CCDC60: variants seen among roughly 807,000 people sequenced by gnomAD.
CCDC60 encodes the protein coiled-coil domain containing 60.
A neutral mutation model predicts 63.5 loss-of-function variants in CCDC60; 54 were observed. The ratio of observed to expected loss-of-function variants is 0.85; its 90% confidence interval spans 0.68 to 1.07. The LOEUF is 1.07. Among genes scored for constraint, CCDC60 ranks in the 50% least tolerant of loss-of-function variants. The pLI is 0.00. For missense variants in CCDC60, 651 were observed against 684.3 expected, an observed-to-expected ratio of 0.95 and a Z score of 0.54; for synonymous variants, 206 against 238.8, an observed-to-expected ratio of 0.86 and a Z score of 1.27.
At chr12:119,361,106 G>A (rs1955784879) in intron 1 of CCDC60, among the ~76,000 whole-genome samples, 1 of 150,898 alleles carries the variant, frequency 6.6e-6, no homozygotes, top group South Asian at 2.1e-4. Context: ...GCTTCGGCTT[G>A]GCATGAGAGG....
intron 2 of CCDC60, among the ~76,000 whole-genome samples, chr12:119,453,825 AAG>A (rs1385137909): frequency 2.6e-5 from 4 of 152,082 alleles, no homozygotes; most frequent in Admixed American, 1.3e-4. Flanking sequence ...GAGGAGAAGG[AAG>A]AGGAAGAGGA....
At chr12:119,504,512 C>T (rs1429860219) in intron 6 of CCDC60, among the ~76,000 whole-genome samples, 3 of 152,180 alleles carry the variant, frequency 2.0e-5, no homozygotes, top group Non-Finnish European at 4.4e-5. Context: ...TGCTTCCTCC[C>T]ACTCACATCC....
At chr12:119,471,962 C>G (rs763187026) in intron 2 of CCDC60, 32 bp from the exon 3 acceptor site, 2 of 1,596,710 alleles carry the variant, frequency 1.3e-6, no homozygotes, top group South Asian at 1.1e-5. Context: ...ACCTTCCTCC[C>G]TCTCTCCCTC....
At chr12:119,514,746 A>G (rs1407443512) in intron 7 of CCDC60, among the ~76,000 whole-genome samples, 1 of 152,190 alleles carries the variant, frequency 6.6e-6, no homozygotes, top group East Asian at 1.9e-4. Flanking sequence ...CTAAGTGTAC[A>G]GTGTTTATAA....
At chr12:119,359,677 G>A (rs1392353325) in intron 1 of CCDC60, among the ~76,000 whole-genome samples, 1 of 147,092 alleles carries the variant, frequency 6.8e-6, no homozygotes, top group Non-Finnish European at 1.5e-5. Flanking sequence ...AGAGGACCCT[G>A]CGGCCTTCCG....
rs1284487989 is a variant in CCDC60 at position 119,479,113 on chromosome 12, T to C, written c.361T>C (p.Leu121=). 4 of 1,613,350 alleles carry C rather than the reference T, an allele frequency of 2.5e-6. No homozygotes were observed. Among genetic ancestry groups the C allele is most frequent in the Non-Finnish European group, 3.4e-6 (4 of 1,179,568 alleles). ...TLLSTYDDEK[L]KTLGARVTRR... The stretch of plus-strand genomic sequence containing the variant: ...CTTCAGCACATATGATGATGAGAAG[T>C]TGAAGACACTGGGAGCTAGAGTCAC... Residue 121 remains leucine, a synonymous_variant, in exon 4 of 14, where the codon TTG becomes CTG. Transcript: ENST00000327554.
At chr12:119,346,970 G>A (rs766034792) in intron 1 of CCDC60, among the ~76,000 whole-genome samples, 2 of 151,680 alleles carry the variant, frequency 1.3e-5, no homozygotes, top group African/African-American at 2.4e-5. Context: ...GGTTACAGGC[G>A]TGCCCCACCA....
chr12:119,344,381 A>G (rs760199739), intron 1 of CCDC60, among the ~76,000 whole-genome samples: 10 of 152,290 alleles, frequency 6.6e-5, no homozygotes, highest in Non-Finnish European at 1.5e-4. Flanking sequence ...GCCGTCATGT[A>G]CCCAGTTGTT....
intron 5 of CCDC60, among the ~76,000 whole-genome samples, chr12:119,492,103 G>A (rs1951603369): frequency 6.6e-6 from 1 of 152,136 alleles, no homozygotes; most frequent in African/African-American, 2.4e-5. Context: ...AGCCACCTGA[G>A]GTAAAAAATG....
chr12:119,486,243 T>A (rs559437082), intron 4 of CCDC60, among the ~76,000 whole-genome samples: 40 of 152,130 alleles, frequency 2.6e-4, no homozygotes, highest in African/African-American at 9.4e-4. Flanking sequence ...AAAGAGACAA[T>A]AACTGAAAAG....
intron 1 of CCDC60, among the ~76,000 whole-genome samples, chr12:119,426,366 TG>T (rs1424186325): frequency 0.012 from 1,847 of 152,006 alleles, 32 homozygotes; most frequent in African/African-American, 0.042. Flanking sequence ...TGTTTTGTTT[TG>T]TTTTTTTGAG....
chr12:119,513,429 C>G (rs1428354581), intron 7 of CCDC60, among the ~76,000 whole-genome samples: 1 of 152,182 alleles, frequency 6.6e-6, no homozygotes, highest in Non-Finnish European at 1.5e-5. Flanking sequence ...GAGAATAGTT[C>G]TCTCCTTTTC....
chr12:119,527,137 A>G (rs1308604732), intron 11 of CCDC60, among the ~76,000 whole-genome samples: 1 of 152,226 alleles, frequency 6.6e-6, no homozygotes, highest in Non-Finnish European at 1.5e-5. Context: ...GCTGAAGGCT[A>G]TGATCCTAGC....
chr12:119,348,935 C>T (rs1955625461), intron 1 of CCDC60, among the ~76,000 whole-genome samples: 1 of 152,088 alleles, frequency 6.6e-6, no homozygotes, highest in Admixed American at 6.5e-5. Context: ...ATAGAAGTAA[C>T]TCATGTTATT....
chr12:119,337,824 TTGTGTGTGTGTGTGTGTG>T (rs60009617), intron 1 of CCDC60, among the ~76,000 whole-genome samples: 1 of 140,548 alleles, frequency 7.1e-6, no homozygotes, highest in African/African-American at 2.6e-5. Flanking sequence ...GTGTGTGTAT[TTGTGTGTGTGTGTGTGTG>T]TGTGTGTGTG....
intron 7 of CCDC60, among the ~76,000 whole-genome samples, chr12:119,507,489 T>C: frequency 7.0e-6 from 1 of 142,288 alleles, no homozygotes; most frequent in South Asian, 2.2e-4. Context: ...TATATACACA[T>C]ATATACATAT....
chr12:119,429,943 A>C (rs1179715781), intron 2 of CCDC60, among the ~76,000 whole-genome samples: 1 of 152,210 alleles, frequency 6.6e-6, no homozygotes, highest in African/African-American at 2.4e-5. Context: ...TTTTTAACTC[A>C]GTACCTCCAA....
chr12:119,537,418 C>T (rs1182117823), intron 13 of CCDC60, among the ~76,000 whole-genome samples: 1 of 152,222 alleles, frequency 6.6e-6, no homozygotes, highest in Non-Finnish European at 1.5e-5. Context: ...TCTGTCAGCT[C>T]GTCAAAGTCA....
At chr12:119,375,843 G>C (rs570607992) in intron 1 of CCDC60, among the ~76,000 whole-genome samples, 1 of 152,148 alleles carries the variant, frequency 6.6e-6, no homozygotes, top group Non-Finnish European at 1.5e-5. Flanking sequence ...GACAGTTTTC[G>C]AAATGAATCA....
Sources: gnomAD v4.1 joint callset for allele counts (sites outside exome capture counted in the v4.1 genomes callset) on GRCh38, gnomAD v4.1.1 for gene constraint, MANE v1.5 for transcripts, NCBI Gene and HGNC (gene_info 2026-07-23, HGNC 2026-07-21) for gene names.